Variants in ZNF564 observed in about 807,000 individuals in gnomAD.
The protein encoded by ZNF564 is zinc finger protein 564.
In ZNF564, 5 loss-of-function variants were observed where a neutral mutation model predicts 10.5. The ratio of observed to expected loss-of-function variants is 0.48; its 90% CI spans 0.25 to 1.00. The LOEUF is 1.00. ZNF564 is among the 50% of genes least tolerant of loss of function. The probability of loss-of-function intolerance (pLI) is 0.16; values close to 1 mark genes in which losing one functional copy is unlikely to be tolerated. For synonymous variants in ZNF564, 242 were observed against 218.1 expected (o/e 1.11, Z -0.97); for missense variants, 603 against 669.7 (o/e 0.90, Z 1.10).
chr19:12,529,041 G>A lies in ZNF564; in HGVS notation c.4-345C>T, dbSNP rs2021748932. On this transcript the variant is annotated intron_variant, in intron 1 of 3. Coordinates refer to ENST00000339282, the MANE Select transcript of ZNF564 (RefSeq NM_144976.4). ...GATCACGCCACTGCACTTCAGCCTG[G>A]CTGACAGAGAGAGACCCCATCTCAA... Among the ~76,000 whole-genome samples the A allele has an allele frequency of 2.0e-5, 3 of 152,276 alleles. No homozygotes were observed. In the South Asian group the frequency reaches 6.2e-4, roughly 32 times the overall value.
chr19:12,527,777 C>T lies in ZNF564; in HGVS notation c.331G>A (p.Val111Ile). Reference protein sequence around the residue: ...RPCECSLCGKVFMHHSSLSRH... With the variant: ...RPCECSLCGKIFMHHSSLSRH... ...CTAAGGGATGAATGATGCATGAAGA[C>T]TTTCCCACACAAACTACATTCACAT... Residue 111 changes from valine to isoleucine, a missense_variant, in exon 4 of 4, where the codon GTC becomes ATC. By Grantham distance (29) the Val-to-Ile change is conservative. Transcript: ENST00000339282. 6.2e-7 allele frequency: 1 copy of T among 1,614,062 alleles called. No individual in the cohort carries two copies. The highest frequency in any genetic ancestry group is 8.5e-7 in the Non-Finnish European group (1 of 1,180,030).
intron 1 of ZNF564, among the ~76,000 whole-genome samples, chr19:12,540,288 C>T (rs1057158833): frequency 2.6e-5 from 4 of 152,182 alleles, no homozygotes; most frequent in African/African-American, 7.2e-5. Context: ...TACAATGTTT[C>T]AGTTGACTGT....
At position 12,526,541 on chromosome 19, in the gene ZNF564, G is replaced by A. The variant is rs1463981528; in HGVS notation, c.1567C>T (p.His523Tyr). ...TFSYSSSFQR[H>Y]ERAHNGDKPY... The stretch of plus-strand genomic sequence containing the variant: ...TTATCTCCATTATGAGCTCTTTCAT[G>A]TCTTTGAAAGGAACTGGAATAACTG... The change falls in exon 4 of 4, where the codon CAT (histidine) becomes TAT (tyrosine). Residue 523 changes from histidine to tyrosine, a missense_variant. Transcript: ENST00000339282. The A allele has an allele frequency of 3.1e-6, 5 of 1,613,844 alleles. No individual in the cohort carries two copies. The highest frequency in any genetic ancestry group is 4.2e-6 in the Non-Finnish European group (5 of 1,179,928).
At position 12,527,601 on chromosome 19, in the gene ZNF564, A is replaced by T. The variant is rs746693737; in HGVS notation, c.507T>A (p.Tyr169Ter). 9 of 1,614,096 alleles carry T rather than the reference A, an allele frequency of 5.6e-6. No individual in the cohort carries two copies. The highest frequency in any genetic ancestry group is 5.9e-6 in the Non-Finnish European group (7 of 1,180,038). The change falls in exon 4 of 4, where the codon TAT (tyrosine) becomes TAA (stop). Residue 169 changes from tyrosine (Y) to a stop codon, truncating the protein, a stop_gained. Transcript: ENST00000339282. LOFTEE classifies it low-confidence loss of function (END_TRUNC). ...AGGCTTTCCCACATTCCGGACATGC[A>T]TAGGGTTTCTCACCAGTGTGAGTTC... Reference protein sequence around the residue: ...HERTHTGEKPYACPECGKAFI... With the variant: ...HERTHTGEKP
intron 1 of ZNF564, among the ~76,000 whole-genome samples, chr19:12,538,783 T>C (rs2021971272): frequency 6.6e-6 from 1 of 151,874 alleles, no homozygotes; most frequent in Non-Finnish European, 1.5e-5. Context: ...CACTCCAGTC[T>C]GGGCGACAGA....
In ZNF564 at chr19:12,537,754, GA is replaced by G. The variant is rs1049743970; in HGVS notation, c.4-9059del. ...ACTCCGTCTCAAAAAAAAAAAAAAA[GA>G]AAAAAAAGAAAAGAAAATGTTTTCT... On this transcript the variant is annotated intron_variant, in intron 1 of 3. Transcript: ENST00000339282. Among the ~76,000 whole-genome samples the G allele has an allele frequency of 2.3e-3, 311 of 137,552 alleles. 3 individuals carry two copies. Among genetic ancestry groups the G allele is most frequent in the African/African-American group, 7.6e-3 (297 of 38,894 alleles). 90.2% of individuals were successfully genotyped at this position (137,552 alleles called of 152,430 possible). A position where few individuals can be genotyped will look rare whatever the true frequency, so the allele number is the denominator to read the frequency against.
At chr19:12,531,382 C>T (rs976950180) in intron 1 of ZNF564, among the ~76,000 whole-genome samples, 1 of 151,918 alleles carries the variant, frequency 6.6e-6, no homozygotes, top group African/African-American at 2.4e-5. Flanking sequence ...ACCTGGGAAA[C>T]ACGGCGAAAC....
chr19:12,536,519 G>C (rs2021917250), intron 1 of ZNF564, among the ~76,000 whole-genome samples: 1 of 152,150 alleles, frequency 6.6e-6, no homozygotes, highest in South Asian at 2.1e-4. Context: ...ATTTTAGTAA[G>C]CCATTATGGT....
intron 1 of ZNF564, among the ~76,000 whole-genome samples, chr19:12,544,696 T>A (rs969031095): frequency 1.3e-5 from 2 of 152,216 alleles, no homozygotes; most frequent in African/African-American, 2.4e-5. Flanking sequence ...AATTCCCATC[T>A]GGTTGCTCTA....
chr19:12,539,791 C>T (rs546562423), intron 1 of ZNF564, among the ~76,000 whole-genome samples: 3 of 151,354 alleles, frequency 2.0e-5, no homozygotes, highest in Non-Finnish European at 2.9e-5. Flanking sequence ...CTGGCTAACT[C>T]GGTGAAACCC....
chr19:12,526,475 G>A lies in ZNF564; in HGVS notation c.1633C>T (p.Gln545Ter). The A allele has an allele frequency of 6.2e-7, 1 of 1,604,742 alleles. No homozygotes were observed. ...TCATTTTCACAGGTATTCGAAGGTT[G>A]TGTGATAAATGAAAGCTTTCCCACA... ...KNVGKLSFITQPSNTCENE is the reference protein window; with the variant it reads ...KNVGKLSFIT Residue 545 changes from glutamine to a stop codon, truncating the protein, a stop_gained, in exon 4 of 4, where the codon CAA becomes TAA. Transcript: ENST00000339282. LOFTEE classifies it low-confidence loss of function (END_TRUNC).
chr19:12,526,781 G>GAC lies in ZNF564; in HGVS notation c.1326_1327insGT (p.His443ValfsTer93). 3 of 1,614,124 alleles carry GAC rather than the reference G, an allele frequency of 1.9e-6. No homozygotes were observed. The highest frequency in any genetic ancestry group is 2.5e-6 in the Non-Finnish European group (3 of 1,180,026). ...CATTTATAAGGTCCATCTCCAGTGT[G>GAC]CAGTATCATATGTTTTCTAATCCTT... On this transcript the variant is annotated frameshift_variant, in exon 4 of 4. Transcript: ENST00000339282. LOFTEE classifies it low-confidence loss of function (END_TRUNC).
At chr19:12,544,166 G>T (rs1045490725) in intron 1 of ZNF564, among the ~76,000 whole-genome samples, 1 of 152,104 alleles carries the variant, frequency 6.6e-6, no homozygotes, top group South Asian at 2.1e-4. Context: ...ATACATCAGG[G>T]TTATGAAATA....
At chr19:12,548,961 C>T (rs1312889317) in intron 1 of ZNF564, 2 of 685,258 alleles carry the variant, frequency 2.9e-6, no homozygotes, top group Admixed American at 2.1e-5. Context: ...CTGAATTTCC[C>T]TACTTATCTG....
At chr19:12,544,289 C>A (rs966663673) in intron 1 of ZNF564, among the ~76,000 whole-genome samples, 1 of 133,778 alleles carries the variant, frequency 7.5e-6, no homozygotes, top group Non-Finnish European at 1.5e-5. Flanking sequence ...TATGGTCAGT[C>A]AGGGACAGAA....
At chr19:12,539,374 A>C (rs1396041530) in intron 1 of ZNF564, among the ~76,000 whole-genome samples, 1 of 151,608 alleles carries the variant, frequency 6.6e-6, no homozygotes, top group Admixed American at 6.6e-5. Context: ...AAAAAAAGAA[A>C]GCTGGCTGGG....
At position 12,526,648 on chromosome 19, in the gene ZNF564, T is replaced by A; in HGVS notation, c.1460A>T (p.Asn487Ile). 3 of 1,614,088 alleles carry A rather than the reference T, an allele frequency of 1.9e-6. No individual in the cohort carries two copies. The highest frequency in any genetic ancestry group is 2.5e-6 in the Non-Finnish European group (3 of 1,180,006). ...ATGTATTCTAATGGAACTGGCATAA[T>A]TGAATGCTTTCCCACATTCTTTACA... ...YECKECGKAF[N>I]YASSIRIHER... The change falls in exon 4 of 4, where the codon AAT becomes ATT. Residue 487 changes from asparagine (N) to isoleucine (I), a missense_variant. Physicochemically the swap from Asn to Ile is moderately radical, Grantham distance 149. Transcript: ENST00000339282.
intron 1 of ZNF564, among the ~76,000 whole-genome samples, chr19:12,537,738 CA>C (rs56173239): frequency 1.0e-3 from 120 of 114,516 alleles, no homozygotes; most frequent in African/African-American, 2.4e-3. Context: ...AACTCCGTCT[CA>C]AAAAAAAAAA....
intron 1 of ZNF564, among the ~76,000 whole-genome samples, chr19:12,549,868 T>C (rs1317122588): frequency 6.6e-6 from 1 of 152,126 alleles, no homozygotes; most frequent in Non-Finnish European, 1.5e-5. Flanking sequence ...CAGGCAGTTC[T>C]GAAAATCAGG....
Sources: gnomAD v4.1 joint callset for allele counts (sites outside exome capture counted in the v4.1 genomes callset) on GRCh38, gnomAD v4.1.1 for gene constraint, MANE v1.5 for transcripts, NCBI Gene and HGNC (gene_info 2026-07-23, HGNC 2026-07-21) for gene names.